The following GRID2 variants were observed in gnomAD, a reference collection of about 807,000 sequenced individuals.
GRID2 encodes glutamate ionotropic receptor delta type subunit 2.
GRID2 carries 33 observed loss-of-function variants against 114.8 expected under a neutral mutation model. The ratio of observed to expected loss-of-function variants is 0.29; its 90% CI spans 0.22 to 0.38. The LOEUF is 0.38. Ranked by LOEUF, GRID2 falls within the 10% of genes least tolerant of loss-of-function variation. The pLI, the probability that GRID2 is intolerant of heterozygous loss-of-function variation, is 1.00. For missense variants in GRID2, 1,184 were observed against 1,257.7 expected, an observed-to-expected ratio of 0.94 and a Z score of 0.89; for synonymous variants, 505 against 449.9, an observed-to-expected ratio of 1.12 and a Z score of -1.55.
At chr4:93,394,431 T>A (rs1485019) in intron 8 of GRID2, among the ~76,000 whole-genome samples, 33,370 of 151,812 alleles carry the variant, frequency 0.22, 5,480 homozygotes, top group African/African-American at 0.46. Flanking sequence ...TTCATTTTCT[T>A]AATTAAACAC....
chr4:92,649,339 A>T (rs1731812535), intron 2 of GRID2, among the ~76,000 whole-genome samples: 1 of 150,496 alleles, frequency 6.6e-6, no homozygotes, highest in African/African-American at 2.4e-5. Flanking sequence ...TTGTAACTCC[A>T]AGCCTGAGTG....
At chr4:93,804,849 C>T (rs970791241) in intron 1 of GRID2, among the ~76,000 whole-genome samples, 2 of 152,146 alleles carry the variant, frequency 1.3e-5, no homozygotes, top group Admixed American at 6.5e-5. Context: ...AAAACTTTAT[C>T]TTCCTCTCTG....
At chr4:93,409,641 G>A (rs1218001546) in intron 9 of GRID2, among the ~76,000 whole-genome samples, 1 of 152,138 alleles carries the variant, frequency 6.6e-6, no homozygotes, top group Non-Finnish European at 1.5e-5. Flanking sequence ...CCATGTCAAA[G>A]ACTAAGAGTA....
At chr4:93,667,129 GA>G in intron 14 of GRID2, among the ~76,000 whole-genome samples, 1 of 152,096 alleles carries the variant, frequency 6.6e-6, no homozygotes, top group East Asian at 1.9e-4. Context: ...CCAACTGATT[GA>G]AAAGAGAAAT....
intron 1 of GRID2, among the ~76,000 whole-genome samples, chr4:93,803,041 C>G (rs775069280): frequency 6.6e-6 from 1 of 152,186 alleles, no homozygotes; most frequent in Non-Finnish European, 1.5e-5. Flanking sequence ...TTCAGTTGGC[C>G]AGCAGTCTGG....
intron 2 of GRID2, among the ~76,000 whole-genome samples, chr4:92,978,202 C>T (rs1460769911): frequency 6.6e-6 from 1 of 152,138 alleles, no homozygotes; most frequent in Non-Finnish European, 1.5e-5. Context: ...CTGAATGTTT[C>T]TCTTCATTCC....
At chr4:92,906,979 T>G (rs1423098345) in intron 2 of GRID2, among the ~76,000 whole-genome samples, 3 of 152,202 alleles carry the variant, frequency 2.0e-5, no homozygotes, top group African/African-American at 7.2e-5. Flanking sequence ...CAACATCTTA[T>G]GATCCCCAGG....
intron 2 of GRID2, among the ~76,000 whole-genome samples, chr4:93,012,676 A>T (rs1404163393): frequency 2.1e-5 from 1 of 48,022 alleles, no homozygotes; most frequent in Non-Finnish European, 4.2e-5. Context: ...CTATAAGGAT[A>T]AAAAAAAACC....
chr4:92,903,532 T>G (rs1188277193), intron 2 of GRID2, among the ~76,000 whole-genome samples: 1 of 151,938 alleles, frequency 6.6e-6, no homozygotes. Flanking sequence ...GGAATAAATT[T>G]CAAATGGTTA....
intron 2 of GRID2, among the ~76,000 whole-genome samples, chr4:92,815,278 T>TACATAA (rs1740839445): frequency 6.6e-6 from 1 of 152,152 alleles, no homozygotes; most frequent in East Asian, 1.9e-4. Context: ...TGCACATTAT[T>TACATAA]GTGCTTAGTA....
intron 4 of GRID2, among the ~76,000 whole-genome samples, chr4:93,169,007 C>T (rs1216631168): frequency 6.6e-6 from 1 of 151,968 alleles, no homozygotes; most frequent in Non-Finnish European, 1.5e-5. Flanking sequence ...TTTAAATATT[C>T]CCTCAGATGA....
chr4:92,546,971 T>C (rs1726294413), intron 1 of GRID2, among the ~76,000 whole-genome samples: 1 of 152,116 alleles, frequency 6.6e-6, no homozygotes, highest in African/African-American at 2.4e-5. Context: ...GGTCTTTCAG[T>C]TATGAGGTTC....
At chr4:92,655,713 T>C (rs1464747796) in intron 2 of GRID2, among the ~76,000 whole-genome samples, 1 of 151,846 alleles carries the variant, frequency 6.6e-6, no homozygotes, top group Non-Finnish European at 1.5e-5. Flanking sequence ...TGAGTTTGTA[T>C]GTGATTTTGT....
chr4:93,599,598 A>G (rs957169235), intron 13 of GRID2, among the ~76,000 whole-genome samples: 1 of 152,200 alleles, frequency 6.6e-6, no homozygotes, highest in Non-Finnish European at 1.5e-5. Flanking sequence ...CTGGAAAACA[A>G]TGTGATTATA....
intron 2 of GRID2, among the ~76,000 whole-genome samples, chr4:93,082,126 G>A (rs571258385): frequency 2.0e-5 from 3 of 152,242 alleles, no homozygotes; most frequent in Admixed American, 6.5e-5. Context: ...GTGGAGGCCC[G>A]TTCTTATATG....
chr4:92,786,199 C>G (rs541726470), intron 2 of GRID2, among the ~76,000 whole-genome samples: 2 of 151,970 alleles, frequency 1.3e-5, no homozygotes, highest in East Asian at 1.9e-4. Context: ...CTTCCTGTCT[C>G]TAACATGCCT....
At chr4:93,416,425 C>A (rs529567510) in intron 9 of GRID2, among the ~76,000 whole-genome samples, 4 of 152,114 alleles carry the variant, frequency 2.6e-5, no homozygotes, top group Non-Finnish European at 4.4e-5. Context: ...TTTAAACAAG[C>A]CATTAAGAAA....
intron 14 of GRID2, among the ~76,000 whole-genome samples, chr4:93,696,443 A>G (rs776186196): frequency 6.6e-6 from 1 of 151,894 alleles, no homozygotes; most frequent in Non-Finnish European, 1.5e-5. Context: ...CACTCAGGCT[A>G]TAAGACGTTG....
intron 13 of GRID2, among the ~76,000 whole-genome samples, chr4:93,605,060 T>G (rs527347625): frequency 6.6e-6 from 1 of 152,302 alleles, no homozygotes; most frequent in East Asian, 1.9e-4. Flanking sequence ...AGGAGCTAAT[T>G]GAAATGCAAG....
Sources: allele counts gnomAD v4.1 joint callset (sites outside exome capture counted in the v4.1 genomes callset), GRCh38; gene constraint gnomAD v4.1.1; transcripts MANE v1.5; gene names NCBI Gene and HGNC (gene_info 2026-07-23, HGNC 2026-07-21).